The following LRRC49 variants were observed in gnomAD, a reference collection of about 807,000 sequenced individuals.
LRRC49 encodes the protein leucine-rich repeat-containing protein 49.
Under a neutral mutation model 83.3 loss-of-function variants are expected in LRRC49, and 50 were observed. That is an observed-to-expected ratio of 0.60 (90% CI 0.48 to 0.76). LRRC49 has a LOEUF of 0.76. Ranked by LOEUF, LRRC49 falls within the 30% of genes least tolerant of loss-of-function variation. LRRC49 has a pLI of 0.00. For missense variants in LRRC49, 704 were observed against 809.1 expected, an observed-to-expected ratio of 0.87 and a Z score of 1.58; for synonymous variants, 286 against 283.3, an observed-to-expected ratio of 1.01 and a Z score of -0.10.
At chr15:71,018,516 A>T (rs1257283858) in intron 14 of LRRC49, among the ~76,000 whole-genome samples, 2 of 152,188 alleles carry the variant, frequency 1.3e-5, no homozygotes, top group Non-Finnish European at 2.9e-5. Flanking sequence ...CTAGGCCAGG[A>T]TCTATGGGAA....
intron 14 of LRRC49, among the ~76,000 whole-genome samples, chr15:71,020,526 G>GA (rs772665183): frequency 1.3e-5 from 2 of 152,162 alleles, no homozygotes; most frequent in African/African-American, 2.4e-5. Flanking sequence ...ACATCACAGT[G>GA]AAACTACAGA....
chr15:70,911,556 G>A lies in LRRC49; in HGVS notation c.525G>A (p.Glu175=), dbSNP rs2034552466. 6.3e-7 allele frequency: 1 copy of A among 1,583,616 alleles called. No individual in the cohort carries two copies. Among genetic ancestry groups the A allele is most frequent in the African/African-American group, 1.4e-5 (1 of 73,724 alleles). The change falls in exon 6 of 16, where the codon GAG becomes GAA. Residue 175 remains glutamate, a synonymous_variant. Coordinates refer to ENST00000260382, the MANE Select transcript of LRRC49 (RefSeq NM_017691.5). ...KNRIKKISNL[E]NLKSLDVLDL... is the part of the protein sequence containing the mutation. ...GAATCAAGAAAATCTCAAATCTGGA[G>A]AATCTAAAAAGCTTAGATGTCTTGG...
intron 1 of LRRC49, among the ~76,000 whole-genome samples, chr15:70,871,271 T>C (rs969995646): frequency 1.3e-5 from 2 of 151,896 alleles, no homozygotes; most frequent in Non-Finnish European, 2.9e-5. Context: ...GGGTTGGGGG[T>C]AAGGTTATAG....
At chr15:70,969,790 G>A (rs151006156) in intron 9 of LRRC49, among the ~76,000 whole-genome samples, 89 of 152,138 alleles carry the variant, frequency 5.8e-4, no homozygotes, top group Middle Eastern at 3.4e-3. Flanking sequence ...TCTATTATTG[G>A]TGTATAGGAA....
At chr15:71,012,758 A>G (rs1198204359) in intron 13 of LRRC49, 46 bp from the exon 14 acceptor site, 2 of 1,020,848 alleles carry the variant, frequency 2.0e-6, no homozygotes, top group East Asian at 2.4e-5. Flanking sequence ...TTATTCAGCT[A>G]AGAGTTGGTG....
At chr15:71,011,324 C>A (rs142939258) in intron 13 of LRRC49, among the ~76,000 whole-genome samples, 1 of 152,072 alleles carries the variant, frequency 6.6e-6, no homozygotes, top group African/African-American at 2.4e-5. Context: ...CACACCGTTA[C>A]CTCAGTTAAC....
At chr15:70,859,042 G>A in intron 1 of LRRC49, 1 of 1,455,118 alleles carries the variant, frequency 6.9e-7, no homozygotes. Flanking sequence ...ACAAGGTATG[G>A]TTCCTGGAGC....
chr15:70,959,991 C>T (rs1361863488), intron 8 of LRRC49, among the ~76,000 whole-genome samples: 2 of 152,192 alleles, frequency 1.3e-5, no homozygotes. Context: ...AGATAAAGTA[C>T]ATTATCCACA....
chr15:70,854,000 T>C, intron 1 of LRRC49: 3 of 1,462,942 alleles, frequency 2.1e-6, no homozygotes, highest in Admixed American at 2.4e-5. Flanking sequence ...GTCCTCCAAC[T>C]CGTCCACGTC....
At chr15:70,981,460 G>T (rs551178546) in intron 10 of LRRC49, among the ~76,000 whole-genome samples, 2 of 151,010 alleles carry the variant, frequency 1.3e-5, no homozygotes, top group Admixed American at 1.3e-4. Flanking sequence ...AAACCTGCAC[G>T]TTCTGCATAT....
chr15:71,012,246 T>C (rs1199975873), intron 13 of LRRC49, among the ~76,000 whole-genome samples: 1 of 152,160 alleles, frequency 6.6e-6, no homozygotes, highest in Non-Finnish European at 1.5e-5. Flanking sequence ...AATGTAAGAA[T>C]GGGTCCTCAT....
At position 71,029,728 on chromosome 15, in the gene LRRC49, G is replaced by A. The variant is rs901085396; in HGVS notation, c.1704-7451G>A. Among the ~76,000 whole-genome samples the A allele has an allele frequency of 3.2e-4, 49 of 152,104 alleles. 1 individual carries two copies. The highest frequency in any genetic ancestry group is 2.9e-5 in the Non-Finnish European group (2 of 68,026). The stretch of plus-strand genomic sequence containing the variant: ...CCCGTATTAGACGCATATATATTTA[G>A]GATAGTTAGCTCTTCTTGTTGCATT... On this transcript the variant is annotated intron_variant, in intron 14 of 15. Coordinates refer to ENST00000260382, the MANE Select transcript of LRRC49 (RefSeq NM_017691.5).
chr15:70,914,197 A>C (rs777265686), intron 6 of LRRC49, among the ~76,000 whole-genome samples: 18 of 152,138 alleles, frequency 1.2e-4, no homozygotes, highest in Non-Finnish European at 1.6e-4. Context: ...AAGCAAAGAT[A>C]CAGTCTTAGT....
chr15:70,865,411 A>G (rs1284897289), intron 1 of LRRC49, among the ~76,000 whole-genome samples: 2 of 152,192 alleles, frequency 1.3e-5, no homozygotes, highest in African/African-American at 2.4e-5. Context: ...TGCGTCTAAC[A>G]AAACTGTTGA....
intron 5 of LRRC49, 78 bp from the exon 6 acceptor site, chr15:70,911,454 C>T (rs1372988958): frequency 2.7e-6 from 2 of 745,482 alleles, no homozygotes; most frequent in Non-Finnish European, 4.6e-6. Flanking sequence ...TGAGTTACAC[C>T]TTTATGCCTT....
chr15:70,950,678 G>A (rs753866315), intron 8 of LRRC49, among the ~76,000 whole-genome samples: 4 of 152,114 alleles, frequency 2.6e-5, no homozygotes, highest in Admixed American at 1.3e-4. Flanking sequence ...CAGATGCATA[G>A]TTTGCAAATA....
In LRRC49 at chr15:71,037,195, T is replaced by C. The variant is rs2039547619; in HGVS notation, c.1720T>C (p.Tyr574His). 1 of 1,605,954 alleles carries C rather than the reference T, an allele frequency of 6.2e-7. No individual in the cohort carries two copies. The highest frequency in any genetic ancestry group is 1.7e-4 in the Middle Eastern group (1 of 5,998). The part of the protein sequence containing the change: ...LGDARKKQFR[Y>H]LLESKGKKPG... ...TTTCTACAGGAAAAAGCAATTTCGG[T>C]ATCTACTAGAATCCAAAGGAAAAAA... The change falls in exon 15 of 16, where the codon TAT becomes CAT. Residue 574 changes from tyrosine (Y) to histidine (H), a missense_variant. Around this residue, in one of 3 missense-constraint regions of LRRC49, gnomAD observed 275 missense variants for 338.0 expected, o/e 0.81. Coordinates refer to ENST00000260382, the MANE Select transcript of LRRC49 (RefSeq NM_017691.5).
intron 2 of LRRC49, among the ~76,000 whole-genome samples, chr15:70,895,307 A>G (rs1361379129): frequency 6.6e-6 from 1 of 152,136 alleles, no homozygotes; most frequent in Non-Finnish European, 1.5e-5. Context: ...TAAATATACA[A>G]TTTTATTATA....
chr15:70,932,150 T>A (rs893764728), intron 7 of LRRC49, among the ~76,000 whole-genome samples: 10 of 152,214 alleles, frequency 6.6e-5, no homozygotes, highest in Non-Finnish European at 1.5e-4. Flanking sequence ...CTGATATCTA[T>A]TGCTGTGTAA....
Sources: allele counts gnomAD v4.1 joint callset (sites outside exome capture counted in the v4.1 genomes callset), GRCh38; gene constraint gnomAD v4.1.1; regional missense constraint gnomAD v4.1.1; transcripts MANE v1.5; gene names NCBI Gene and HGNC (gene_info 2026-07-23, HGNC 2026-07-21).